APBB1IP: variants seen among roughly 807,000 people sequenced by gnomAD.
APBB1IP encodes amyloid beta A4 precursor protein-binding family B member 1-interacting protein.
APBB1IP carries 27 observed loss-of-function variants against 64.9 expected under a neutral mutation model. That is an observed-to-expected ratio of 0.42 (90% CI 0.31 to 0.57). The LOEUF (loss-of-function observed/expected upper bound fraction) is 0.57, where lower values mean the gene tolerates loss of function less well. Among genes scored for constraint, APBB1IP ranks in the 20% least tolerant of loss-of-function variants. APBB1IP has a pLI of 0.20. For synonymous variants in APBB1IP, 392 were observed against 331.0 expected (o/e 1.18, Z -2.00); for missense variants, 812 against 845.5 (o/e 0.96, Z 0.49).
At chr10:26,510,797 TG>T (rs1036607430) in intron 6 of APBB1IP, among the ~76,000 whole-genome samples, 1 of 151,148 alleles carries the variant, frequency 6.6e-6, no homozygotes, top group African/African-American at 2.4e-5. Context: ...AGATTTATCA[TG>T]TGCCTGCAAA....
At chr10:26,444,299 C>T (rs1443947935) in intron 2 of APBB1IP, among the ~76,000 whole-genome samples, 1 of 152,036 alleles carries the variant, frequency 6.6e-6, no homozygotes, top group Non-Finnish European at 1.5e-5. Flanking sequence ...ACGTGGGGTT[C>T]CAGAGGCCAT....
intron 13 of APBB1IP, among the ~76,000 whole-genome samples, chr10:26,561,768 C>A (rs938790517): frequency 1.9e-4 from 29 of 152,152 alleles, no homozygotes; most frequent in African/African-American, 7.0e-4. Flanking sequence ...GGGGAAAAAC[C>A]ACATCTAATT....
intron 8 of APBB1IP, among the ~76,000 whole-genome samples, chr10:26,520,710 G>C (rs1434006912): frequency 6.6e-6 from 1 of 152,182 alleles, no homozygotes; most frequent in African/African-American, 2.4e-5. Flanking sequence ...GGTTTCAAAT[G>C]TCACCTGCTG....
intron 2 of APBB1IP, among the ~76,000 whole-genome samples, chr10:26,473,999 CAAA>C (rs35712977): frequency 1.3e-4 from 9 of 67,346 alleles, no homozygotes; most frequent in African/African-American, 3.9e-4. Flanking sequence ...CACCCTGTCT[CAAA>C]AAAAAAAAAA....
intron 8 of APBB1IP, among the ~76,000 whole-genome samples, chr10:26,516,050 G>A (rs1215055059): frequency 1.3e-5 from 2 of 152,102 alleles, no homozygotes; most frequent in Non-Finnish European, 2.9e-5. Flanking sequence ...AAAAAAAAAT[G>A]ACAGAACAAA....
intron 2 of APBB1IP, among the ~76,000 whole-genome samples, chr10:26,471,944 A>T (rs1316812264): frequency 6.6e-6 from 1 of 152,032 alleles, no homozygotes; most frequent in East Asian, 1.9e-4. Flanking sequence ...CGGCCTCCCA[A>T]AGTGCTGGGA....
At chr10:26,439,659 A>AGC (rs9299823) in intron 2 of APBB1IP, among the ~76,000 whole-genome samples, 90,468 of 151,820 alleles carry the variant, frequency 0.6, 27,604 homozygotes, top group East Asian at 0.92. Flanking sequence ...TGTTTCCTAG[A>AGC]CACTCAGGGC....
intron 2 of APBB1IP, among the ~76,000 whole-genome samples, chr10:26,461,849 C>A (rs1835597048): frequency 1.3e-5 from 2 of 152,056 alleles, no homozygotes; most frequent in East Asian, 3.8e-4. Context: ...TAAATCTGAT[C>A]TTTTGCCATG....
intron 11 of APBB1IP, among the ~76,000 whole-genome samples, chr10:26,553,971 ACTCCCCGTGC>A (rs1836863850): frequency 6.6e-6 from 1 of 151,696 alleles, no homozygotes; most frequent in Middle Eastern, 3.4e-3. Context: ...TTCTCACCAG[ACTCCCCGTGC>A]TCTCGCTGAG....
intron 6 of APBB1IP, among the ~76,000 whole-genome samples, chr10:26,505,706 C>T (rs754219530): frequency 1.7e-4 from 26 of 151,684 alleles, no homozygotes; most frequent in East Asian, 5.8e-4. Context: ...ACAAAAGTTG[C>T]GCAAGCTCCC....
intron 8 of APBB1IP, among the ~76,000 whole-genome samples, chr10:26,516,563 T>TAAAAAAAAAAAAAAAAAAAAAAAAA (rs1198670517): frequency 5.3e-4 from 28 of 53,238 alleles, no homozygotes; most frequent in East Asian, 3.8e-3. Context: ...AAAAAAAAAG[T>TAAAAAAAAAAAAAAAAAAAAAAAAA]AAAGCGGAAA....
intron 8 of APBB1IP, among the ~76,000 whole-genome samples, chr10:26,519,209 T>C (rs1836371548): frequency 6.6e-6 from 1 of 152,118 alleles, no homozygotes; most frequent in Admixed American, 6.5e-5. Context: ...GAGAATCACT[T>C]GAACCCAGGA....
At chr10:26,446,716 A>G (rs1197290137) in intron 2 of APBB1IP, among the ~76,000 whole-genome samples, 1 of 152,096 alleles carries the variant, frequency 6.6e-6, no homozygotes, top group African/African-American at 2.4e-5. Context: ...ATAGGATAAG[A>G]TATGGTCCCC....
At chr10:26,491,084 G>A (rs1390237882) in intron 2 of APBB1IP, among the ~76,000 whole-genome samples, 1 of 152,064 alleles carries the variant, frequency 6.6e-6, no homozygotes, top group Admixed American at 6.6e-5. Context: ...TTTGAGACCA[G>A]CCTGGCCAAC....
At chr10:26,470,447 G>A (rs1385922929) in intron 2 of APBB1IP, among the ~76,000 whole-genome samples, 1 of 152,172 alleles carries the variant, frequency 6.6e-6, no homozygotes, top group Non-Finnish European at 1.5e-5. Flanking sequence ...GCTGAGGCAG[G>A]AGAATTGCTT....
intron 5 of APBB1IP, 136 bp from the exon 6 acceptor site, chr10:26,503,061 A>C (rs1226631934): frequency 2.7e-6 from 2 of 739,976 alleles, no homozygotes; most frequent in South Asian, 2.2e-5. Context: ...GTAATTAATA[A>C]ATTCTGAAAA....
intron 11 of APBB1IP, among the ~76,000 whole-genome samples, chr10:26,544,000 C>T (rs1005760400): frequency 6.6e-6 from 1 of 152,178 alleles, no homozygotes; most frequent in Non-Finnish European, 1.5e-5. Context: ...ACTTATATGG[C>T]ATTTTCTTTG....
chr10:26,501,977 G>T (rs1836107188), intron 5 of APBB1IP: 1 of 152,208 alleles, frequency 6.6e-6, no homozygotes, highest in African/African-American at 2.4e-5. Context: ...GAAAATTTAT[G>T]TGAAAATGGA....
At chr10:26,496,179 T>C (rs1336959810) in intron 3 of APBB1IP, 125 bp from the exon 4 acceptor site, 3 of 610,214 alleles carry the variant, frequency 4.9e-6, no homozygotes, top group African/African-American at 1.9e-5. Flanking sequence ...TACCATATGG[T>C]TTTCAGAGAA....
Sources: gnomAD v4.1 joint callset for allele counts (sites outside exome capture counted in the v4.1 genomes callset) on GRCh38, gnomAD v4.1.1 for gene constraint, MANE v1.5 for transcripts, NCBI Gene and HGNC (gene_info 2026-07-23, HGNC 2026-07-21) for gene names.